Variants in FRMD4B observed in about 807,000 individuals in gnomAD.
FRMD4B encodes the protein FERM domain containing 4B.
In FRMD4B, 74 loss-of-function variants were observed where a neutral mutation model predicts 141.5. The ratio of observed to expected loss-of-function variants is 0.52; its 90% CI spans 0.43 to 0.63. The LOEUF (loss-of-function observed/expected upper bound fraction) is 0.63. Among genes scored for constraint, FRMD4B ranks in the 30% least tolerant of loss-of-function variants. The pLI is 0.00. For missense variants in FRMD4B, 1,366 were observed against 1,253.4 expected, an observed-to-expected ratio of 1.09 and a Z score of -1.36; for synonymous variants, 506 against 467.9, an observed-to-expected ratio of 1.08 and a Z score of -1.05.
At chr3:69,283,786 C>A (rs1256524287) in intron 5 of FRMD4B, among the ~76,000 whole-genome samples, 3 of 152,152 alleles carry the variant, frequency 2.0e-5, no homozygotes, top group South Asian at 2.1e-4. Flanking sequence ...ATCAGTCAAC[C>A]CTTAGAGTTC....
chr3:69,505,971 G>C (rs1327911201), intron 1 of FRMD4B, among the ~76,000 whole-genome samples: 1 of 152,170 alleles, frequency 6.6e-6, no homozygotes, highest in African/African-American at 2.4e-5. Flanking sequence ...GTAGATAAGA[G>C]AGCTGCCTCA....
intron 1 of FRMD4B, among the ~76,000 whole-genome samples, chr3:69,384,014 G>C (rs143468025): frequency 6.6e-6 from 1 of 150,704 alleles, no homozygotes; most frequent in Admixed American, 6.6e-5. Flanking sequence ...TGCCCGGGCT[G>C]GCCTCAAACT....
intron 7 of FRMD4B, among the ~76,000 whole-genome samples, chr3:69,232,712 C>A (rs1202036039): frequency 6.6e-6 from 1 of 152,114 alleles, no homozygotes; most frequent in Non-Finnish European, 1.5e-5. Flanking sequence ...GGCTTGTACA[C>A]AGCAACAATC....
intron 2 of FRMD4B, among the ~76,000 whole-genome samples, chr3:69,431,732 C>T (rs759760435): frequency 3.9e-5 from 6 of 152,172 alleles, no homozygotes; most frequent in Non-Finnish European, 8.8e-5. Context: ...TCTCCAGAGT[C>T]GACGTCCTTG....
chr3:69,265,270 ATAT>A (rs1199787954), intron 5 of FRMD4B, among the ~76,000 whole-genome samples: 3 of 20,236 alleles, frequency 1.5e-4, no homozygotes, highest in African/African-American at 3.9e-4. Flanking sequence ...AAAAAAAAAA[ATAT>A]ATATATATAT....
intron 22 of FRMD4B, among the ~76,000 whole-genome samples, chr3:69,173,891 C>A (rs1320131073): frequency 2.6e-5 from 4 of 152,204 alleles, no homozygotes; most frequent in Admixed American, 6.5e-5. Context: ...GTAATCCCAG[C>A]ACTTTGGGAG....
At chr3:69,497,193 T>G (rs769681779) in intron 1 of FRMD4B, among the ~76,000 whole-genome samples, 3 of 152,208 alleles carry the variant, frequency 2.0e-5, no homozygotes, top group Admixed American at 6.5e-5. Context: ...GAGAAAATAT[T>G]TGGAGCAGAG....
chr3:69,455,823 C>T (rs181202953), intron 1 of FRMD4B, among the ~76,000 whole-genome samples: 6 of 152,284 alleles, frequency 3.9e-5, no homozygotes, highest in Admixed American at 3.3e-4. Flanking sequence ...TGTGCTGGCT[C>T]CCACTGTGTG....
chr3:69,251,020 A>G (rs1277032923), intron 5 of FRMD4B, among the ~76,000 whole-genome samples: 1 of 152,206 alleles, frequency 6.6e-6, no homozygotes, highest in Non-Finnish European at 1.5e-5. Flanking sequence ...ATGCACCTTT[A>G]TATTTTTTAA....
chr3:69,445,034 C>G (rs1260967146), intron 1 of FRMD4B, among the ~76,000 whole-genome samples: 1 of 152,152 alleles, frequency 6.6e-6, no homozygotes, highest in Non-Finnish European at 1.5e-5. Context: ...AAATAGACAA[C>G]CTTCCAAAAA....
At chr3:69,450,523 C>T (rs528364627) in intron 1 of FRMD4B, among the ~76,000 whole-genome samples, 10 of 152,306 alleles carry the variant, frequency 6.6e-5, no homozygotes, top group Non-Finnish European at 1.2e-4. Flanking sequence ...GCGGCCAAGG[C>T]AGGCAGATCA....
intron 1 of FRMD4B, among the ~76,000 whole-genome samples, chr3:69,446,754 G>C (rs909107030): frequency 2.0e-5 from 3 of 152,162 alleles, no homozygotes; most frequent in African/African-American, 7.2e-5. Flanking sequence ...CACTCTCTGT[G>C]AATATCCTCA....
intron 1 of FRMD4B, among the ~76,000 whole-genome samples, chr3:69,349,548 G>T (rs1403742286): frequency 6.6e-6 from 1 of 152,118 alleles, no homozygotes; most frequent in Non-Finnish European, 1.5e-5. Flanking sequence ...GAAACTGGAG[G>T]CATCAAGCTA....
intron 19 of FRMD4B, among the ~76,000 whole-genome samples, chr3:69,186,630 T>G (rs1485544387): frequency 6.6e-6 from 1 of 152,206 alleles, no homozygotes; most frequent in Non-Finnish European, 1.5e-5. Context: ...GAGAATTGCC[T>G]GAAGCCAAGA....
intron 7 of FRMD4B, among the ~76,000 whole-genome samples, chr3:69,233,994 C>A (rs2093328643): frequency 6.6e-6 from 1 of 152,138 alleles, no homozygotes. Context: ...TGTCTGTAAT[C>A]CCAACATTTA....
rs181403185 is a variant in FRMD4B at position 69,470,522 on chromosome 3, T to C, written c.-128-37761A>G. On this transcript the variant is annotated intron_variant, in intron 1 of 5. Transcript: ENST00000459638. ...AAGTATGTCCAAAGAACAAAGAGGG[T>C]TTTATTTAGAAAGAAGAAAGTTACT... Among the ~76,000 whole-genome samples, 60 of 152,160 alleles carry C rather than the reference T, an allele frequency of 3.9e-4. 1 individual carries two copies. Among genetic ancestry groups the C allele is most frequent in the Middle Eastern group, 6.8e-3 (2 of 294 alleles).
intron 7 of FRMD4B, among the ~76,000 whole-genome samples, chr3:69,229,461 A>G (rs529285787): frequency 6.6e-6 from 1 of 152,276 alleles, no homozygotes; most frequent in South Asian, 2.1e-4. Flanking sequence ...ACTTTCCTAT[A>G]AGAACCTGTT....
intron 2 of FRMD4B, among the ~76,000 whole-genome samples, chr3:69,423,916 A>T (rs558627936): frequency 6.6e-5 from 10 of 152,286 alleles, no homozygotes; most frequent in African/African-American, 2.4e-4. Flanking sequence ...TGAGAAATAC[A>T]TTTCTGTTGT....
At chr3:69,467,105 C>G (rs9859296) in intron 1 of FRMD4B, among the ~76,000 whole-genome samples, 1 of 152,140 alleles carries the variant, frequency 6.6e-6, no homozygotes, top group South Asian at 2.1e-4. Context: ...CTCTCTCCCC[C>G]AGAGGTCCCA....
Sources: gnomAD v4.1 joint callset for allele counts (sites outside exome capture counted in the v4.1 genomes callset) on GRCh38, gnomAD v4.1.1 for gene constraint, MANE v1.5 for transcripts, NCBI Gene and HGNC (gene_info 2026-07-23, HGNC 2026-07-21) for gene names.